MSI2: variants seen among roughly 807,000 people sequenced by gnomAD.
The protein encoded by MSI2 is musashi RNA binding protein 2.
MSI2 carries 17 observed loss-of-function variants against 45.6 expected under a neutral mutation model. The observed-to-expected ratio is 0.37, with a 90% confidence interval of 0.26 to 0.56. The LOEUF is 0.56. Among genes scored for constraint, MSI2 ranks in the 20% least tolerant of loss-of-function variants. MSI2 has a pLI of 0.77. For synonymous variants in MSI2, 156 were observed against 158.2 expected, an observed-to-expected ratio of 0.99 and a Z score of 0.11; for missense variants, 293 against 444.2, an observed-to-expected ratio of 0.66 and a Z score of 3.06.
chr17:57,507,221 CTCTCTGTGTGTGTG>C (rs2086252371), intron 6 of MSI2, among the ~76,000 whole-genome samples: 1 of 58,532 alleles, frequency 1.7e-5, no homozygotes. Context: ...TTGTCTTTGT[CTCTCTGTGTGTGTG>C]TGTGTGTGTG....
intron 6 of MSI2, among the ~76,000 whole-genome samples, chr17:57,451,286 A>G (rs2085014253): frequency 6.6e-6 from 1 of 152,018 alleles, no homozygotes; most frequent in Non-Finnish European, 1.5e-5. Flanking sequence ...GGGTGCGTGC[A>G]TGTGTGTGGG....
intron 8 of MSI2, among the ~76,000 whole-genome samples, chr17:57,598,845 T>C (rs751046604): frequency 6.6e-6 from 1 of 152,200 alleles, no homozygotes; most frequent in Non-Finnish European, 1.5e-5. Context: ...GTATTTTTAG[T>C]AGAGACGGGG....
chr17:57,509,954 A>C (rs1289047210), intron 6 of MSI2, among the ~76,000 whole-genome samples: 1 of 152,006 alleles, frequency 6.6e-6, no homozygotes, highest in Non-Finnish European at 1.5e-5. Context: ...ACAATCAGTC[A>C]CTGCATTTGC....
intron 7 of MSI2, chr17:57,565,851 G>C (rs1309926165): frequency 6.6e-6 from 1 of 152,196 alleles, no homozygotes; most frequent in Non-Finnish European, 1.5e-5. Context: ...GGCTCCCTGG[G>C]TTGGGTGAAA....
intron 5 of MSI2, among the ~76,000 whole-genome samples, chr17:57,283,568 A>G (rs1035034481): frequency 6.6e-6 from 1 of 152,236 alleles, no homozygotes. Context: ...AAGAGAGAGG[A>G]TGAGGAAAGA....
the MSI2 span, among the ~76,000 whole-genome samples, chr17:57,695,347 G>T: frequency 6.6e-6 from 1 of 152,168 alleles, no homozygotes; most frequent in Non-Finnish European, 1.5e-5. Flanking sequence ...CCATCTGTCT[G>T]CCCTGCCCCT....
At chr17:57,628,187 G>A (rs528184868) in intron 10 of MSI2, 1 of 152,556 alleles carries the variant, frequency 6.6e-6, no homozygotes, top group South Asian at 2.1e-4. Flanking sequence ...GTTTTCTGCT[G>A]AGGGAGGAGG....
In MSI2 at chr17:57,632,984, T is replaced by G. The variant is rs1429196963; in HGVS notation, c.727+5681T>G. 4.8e-6 allele frequency: 5 copies of G among 1,050,214 alleles called. No individual in the cohort carries two copies. The East Asian group carries it at 1.6e-4, about 34-fold the overall frequency. The allele number at this position is 1,050,214 out of a possible 1,614,324, so 65.1% of individuals were successfully genotyped here. On this transcript the variant is annotated intron_variant, in intron 10 of 13. Transcript: ENST00000284073. Reference sequence around the variant, plus strand: ...TCAAAGAACAAATCTGTATGGCTTTTCCCCATCTCCATATTTTGTTTTGCT... The same window carrying G: ...TCAAAGAACAAATCTGTATGGCTTTGCCCCATCTCCATATTTTGTTTTGCT...
At chr17:57,469,607 A>T (rs11656528) in intron 6 of MSI2, among the ~76,000 whole-genome samples, 43,944 of 152,088 alleles carry the variant, frequency 0.29, 6,738 homozygotes, top group Non-Finnish European at 0.33. Context: ...AAGCTCTGTT[A>T]ATCTTCAGGC....
chr17:57,464,573 G>A (rs1202869328), intron 6 of MSI2, among the ~76,000 whole-genome samples: 1 of 152,214 alleles, frequency 6.6e-6, no homozygotes, highest in East Asian at 1.9e-4. Flanking sequence ...ATTTCTCTGA[G>A]GATGGCTGCA....
chr17:57,543,878 A>G (rs2087107222), intron 7 of MSI2, among the ~76,000 whole-genome samples: 1 of 152,226 alleles, frequency 6.6e-6, no homozygotes. Context: ...TCTAGCTTTT[A>G]ATGGACAATT....
chr17:57,616,281 ATGTGTGTG>A (rs141665856), intron 9 of MSI2, 197 bp downstream of exon 9: 4 of 479,998 alleles, frequency 8.3e-6, no homozygotes, highest in Admixed American at 3.7e-5. Context: ...GTGTGCATGC[ATGTGTGTG>A]TGTGTGTGTG....
Position 57,262,170 on chromosome 17 carries a change from T to A in MSI2, c.290T>A (p.Phe97Tyr). ...DSKTIDPKVA[F>Y]PRRAQPKMVT... ...TCCCAGATTGACCCCAAAGTTGCAT[T>A]TCCTCGTCGAGCGCAACCCAAGGTA... Residue 97 changes from phenylalanine (F) to tyrosine (Y), a missense_variant, in exon 5 of 14, where the codon TTT (phenylalanine) becomes TAT (tyrosine). Phe to Tyr is a conservative substitution (Grantham distance 22). Transcript: ENST00000284073. 1 of 1,614,142 alleles carries A rather than the reference T, an allele frequency of 6.2e-7. No homozygotes were observed. The highest frequency in any genetic ancestry group is 8.5e-7 in the Non-Finnish European group (1 of 1,179,986).
intron 10 of MSI2, among the ~76,000 whole-genome samples, chr17:57,650,221 C>T (rs61444674): frequency 6.6e-6 from 1 of 151,872 alleles, no homozygotes; most frequent in Non-Finnish European, 1.5e-5. Context: ...TCCTCTTTCC[C>T]CCTCCCCCAA....
intron 6 of MSI2, among the ~76,000 whole-genome samples, chr17:57,486,700 G>C (rs1165839544): frequency 2.0e-5 from 3 of 152,170 alleles, no homozygotes; most frequent in African/African-American, 7.2e-5. Context: ...CGAGCTGGGA[G>C]GATACAAATG....
intron 5 of MSI2, among the ~76,000 whole-genome samples, chr17:57,286,911 G>A (rs1378953096): frequency 1.3e-5 from 2 of 152,160 alleles, no homozygotes; most frequent in African/African-American, 4.8e-5. Context: ...GTAGGTTTAA[G>A]CTGATTGCCA....
intron 5 of MSI2, among the ~76,000 whole-genome samples, chr17:57,395,197 G>A (rs947999640): frequency 3.3e-5 from 5 of 152,146 alleles, no homozygotes; most frequent in African/African-American, 9.7e-5. Flanking sequence ...ACTGGATTTA[G>A]GGCTTACCCT....
At position 57,580,759 on chromosome 17, in the gene MSI2, G is replaced by A. The variant is rs913425531; in HGVS notation, c.455-16109G>A. On this transcript the variant is annotated intron_variant, in intron 7 of 13. Coordinates refer to ENST00000284073, the MANE Select transcript of MSI2 (RefSeq NM_138962.4). ...AGTTTGCACTGGAGACGACAACTAG[G>A]TGAGTTCAAATACACTTCCAAATCG... Among the ~76,000 whole-genome samples, 5 of 152,268 alleles carry A rather than the reference G, an allele frequency of 3.3e-5. No individual in the cohort carries two copies. In the East Asian group the frequency reaches 7.7e-4, roughly 24 times the overall value.
chr17:57,388,068 C>T (rs541883345), intron 5 of MSI2, among the ~76,000 whole-genome samples: 27 of 152,302 alleles, frequency 1.8e-4, no homozygotes, highest in Admixed American at 1.2e-3. Flanking sequence ...GGAACCTGGC[C>T]TTCCAATCTC....
Sources: gnomAD v4.1 joint callset for allele counts (sites outside exome capture counted in the v4.1 genomes callset) on GRCh38, gnomAD v4.1.1 for gene constraint, MANE v1.5 for transcripts, NCBI Gene and HGNC (gene_info 2026-07-23, HGNC 2026-07-21) for gene names.